Variants in NLGN1 observed in about 807,000 individuals in gnomAD.
NLGN1 encodes the protein neuroligin-1.
Under a neutral mutation model 65.5 loss-of-function variants are expected in NLGN1, and 12 were observed. The ratio of observed to expected loss-of-function variants is 0.18; its 90% CI spans 0.12 to 0.30. NLGN1 has a LOEUF of 0.30. Ranked by LOEUF, NLGN1 falls within the 10% of genes least tolerant of loss-of-function variation. The probability of loss-of-function intolerance (pLI) is 1.00; values close to 1 mark genes in which losing one functional copy is unlikely to be tolerated. For missense variants in NLGN1, 750 were observed against 1,007.1 expected, an observed-to-expected ratio of 0.74 and a Z score of 3.46; for synonymous variants, 350 against 359.5, an observed-to-expected ratio of 0.97 and a Z score of 0.30.
At chr3:174,293,610 G>C in the NLGN1 span, among the ~76,000 whole-genome samples, 1 of 151,528 alleles carries the variant, frequency 6.6e-6, no homozygotes, top group African/African-American at 2.4e-5. Flanking sequence ...TTTTGAGAAA[G>C]AATTATGATC....
chr3:173,708,389 T>G (rs1408556315), intron 3 of NLGN1, among the ~76,000 whole-genome samples: 2 of 152,098 alleles, frequency 1.3e-5, no homozygotes. Flanking sequence ...AATCCTGTGC[T>G]CCACCTCTAG....
intron 4 of NLGN1, among the ~76,000 whole-genome samples, chr3:173,952,837 G>A (rs1399631003): frequency 1.3e-5 from 2 of 150,788 alleles, no homozygotes; most frequent in East Asian, 2.0e-4. Context: ...GAGTGCAGTG[G>A]CACAATCTCA....
In NLGN1 at chr3:173,734,080, C is replaced by T. The variant is rs567803372; in HGVS notation, c.494-73600C>T. Among the ~76,000 whole-genome samples, 14 of 152,138 alleles carry T rather than the reference C, an allele frequency of 9.2e-5. 1 individual carries two copies. In the East Asian group the frequency reaches 2.7e-3, roughly 29 times the overall value. The stretch of plus-strand genomic sequence containing the variant: ...ATATTTTAATTATTAAATACTAAAG[C>T]TAATGAAAGTCCTGGATGTCTGCTA... On this transcript the variant is annotated intron_variant, in intron 3 of 6. Transcript: ENST00000457714.
chr3:174,292,730 CTT>C, the NLGN1 span, among the ~76,000 whole-genome samples: 1 of 151,438 alleles, frequency 6.6e-6, no homozygotes, highest in Non-Finnish European at 1.5e-5. Context: ...TCAGTTGTCA[CTT>C]GTTTTATTGC....
chr3:173,585,463 T>C (rs879569908), intron 2 of NLGN1, among the ~76,000 whole-genome samples: 4 of 152,090 alleles, frequency 2.6e-5, no homozygotes, highest in Admixed American at 6.6e-5. Flanking sequence ...ATTGGCTGTT[T>C]TCATGTTGTC....
At chr3:173,767,540 A>G (rs183076135) in intron 3 of NLGN1, among the ~76,000 whole-genome samples, 3 of 152,214 alleles carry the variant, frequency 2.0e-5, no homozygotes, top group Non-Finnish European at 2.9e-5. Context: ...TCGTAATAAC[A>G]GAGAATTATC....
intron 4 of NLGN1, among the ~76,000 whole-genome samples, chr3:174,230,846 C>G (rs1179633723): frequency 6.6e-6 from 1 of 152,174 alleles, no homozygotes; most frequent in Non-Finnish European, 1.5e-5. Flanking sequence ...ATTATCCTCT[C>G]ATTACATACT....
intron 3 of NLGN1, among the ~76,000 whole-genome samples, chr3:173,675,435 AC>A (rs1762990457): frequency 6.7e-6 from 1 of 149,442 alleles, no homozygotes; most frequent in Non-Finnish European, 1.5e-5. Context: ...AGTAAATTGA[AC>A]AATTTATTAA....
At chr3:173,526,665 C>A (rs1445295970) in intron 2 of NLGN1, among the ~76,000 whole-genome samples, 4 of 152,116 alleles carry the variant, frequency 2.6e-5, no homozygotes, top group Non-Finnish European at 5.9e-5. Context: ...TGACTGTTGT[C>A]ACCCGCTATG....
chr3:174,008,260 C>T (rs1724844518), intron 4 of NLGN1, among the ~76,000 whole-genome samples: 1 of 152,024 alleles, frequency 6.6e-6, no homozygotes, highest in Non-Finnish European at 1.5e-5. Context: ...TCAGATGTGG[C>T]ATATGTCACT....
At chr3:173,731,276 A>G (rs1198506507) in intron 3 of NLGN1, among the ~76,000 whole-genome samples, 2 of 152,140 alleles carry the variant, frequency 1.3e-5, no homozygotes, top group Non-Finnish European at 2.9e-5. Flanking sequence ...TGACCATGAA[A>G]CATAGCAATA....
At chr3:173,823,949 T>C (rs1342861804) in intron 4 of NLGN1, among the ~76,000 whole-genome samples, 1 of 151,998 alleles carries the variant, frequency 6.6e-6, no homozygotes, top group Non-Finnish European at 1.5e-5. Context: ...TTTTTAATGC[T>C]CTGTGTTAGG....
intron 4 of NLGN1, among the ~76,000 whole-genome samples, chr3:173,946,381 A>T (rs1354012463): frequency 6.6e-6 from 1 of 152,078 alleles, no homozygotes; most frequent in East Asian, 1.9e-4. Context: ...CATTTTACAT[A>T]TTATTTTTGT....
chr3:173,751,154 C>G (rs1776248466), intron 3 of NLGN1, among the ~76,000 whole-genome samples: 1 of 151,988 alleles, frequency 6.6e-6, no homozygotes, highest in African/African-American at 2.4e-5. Context: ...CCAGGGTCAC[C>G]TGAGTAGGCG....
intron 2 of NLGN1, among the ~76,000 whole-genome samples, chr3:173,559,784 T>C (rs1742352719): frequency 6.6e-6 from 1 of 152,192 alleles, no homozygotes; most frequent in Admixed American, 6.5e-5. Context: ...AGGTTTTTGA[T>C]ATTTTTATGG....
intron 4 of NLGN1, among the ~76,000 whole-genome samples, chr3:173,975,893 A>T (rs186282925): frequency 6.6e-6 from 1 of 152,162 alleles, no homozygotes; most frequent in Non-Finnish European, 1.5e-5. Context: ...GAGGGCAGTC[A>T]TATGTCTTGT....
intron 4 of NLGN1, among the ~76,000 whole-genome samples, chr3:173,920,997 A>G (rs901031117): frequency 1.3e-5 from 2 of 151,878 alleles, no homozygotes; most frequent in South Asian, 2.1e-4. Flanking sequence ...ATGTGTTTCA[A>G]TTTCAAGATC....
At chr3:173,498,261 G>A (rs1428643381) in intron 2 of NLGN1, among the ~76,000 whole-genome samples, 2 of 150,948 alleles carry the variant, frequency 1.3e-5, no homozygotes, top group Non-Finnish European at 2.9e-5. Flanking sequence ...GTGTCCATGT[G>A]TTCTCATTGT....
At chr3:173,687,336 A>G (rs1764832838) in intron 3 of NLGN1, among the ~76,000 whole-genome samples, 1 of 152,244 alleles carries the variant, frequency 6.6e-6, no homozygotes, top group African/African-American at 2.4e-5. Flanking sequence ...TTTTAAAATG[A>G]TATAGACCTT....
Sources: gnomAD v4.1 joint callset for allele counts (sites outside exome capture counted in the v4.1 genomes callset) on GRCh38, gnomAD v4.1.1 for gene constraint, MANE v1.5 for transcripts, NCBI Gene and HGNC (gene_info 2026-07-23, HGNC 2026-07-21) for gene names.